PNN: variants seen among roughly 807,000 people sequenced by gnomAD.
PNN encodes the protein pinin.
In PNN, 38 loss-of-function variants were observed where a neutral mutation model predicts 76.6. The ratio of observed to expected loss-of-function variants is 0.50; its 90% CI spans 0.38 to 0.65. The LOEUF (loss-of-function observed/expected upper bound fraction) is 0.65. Ranked by LOEUF, PNN falls within the 30% of genes least tolerant of loss-of-function variation. The pLI, the probability that PNN is intolerant of heterozygous loss-of-function variation, is 0.00. For missense variants in PNN, 873 were observed against 874.1 expected (o/e 1.00, Z 0.02); for synonymous variants, 366 against 283.7 (o/e 1.29, Z -2.91).
At chr14:39,177,758 C>A in intron 5 of PNN, 71 bp downstream of exon 5, 1 of 1,437,996 alleles carries the variant, frequency 7.0e-7, no homozygotes, top group Non-Finnish European at 9.8e-7. Flanking sequence ...ATTGTTCAAG[C>A]ATCCTGTAGT....
chr14:39,179,577 CTTT>C, intron 8 of PNN, 115 bp downstream of exon 8: 2 of 747,150 alleles, frequency 2.7e-6, no homozygotes, highest in Non-Finnish European at 4.0e-6. Flanking sequence ...GCTGTGTTTG[CTTT>C]TTTTTTTTAA....
At chr14:39,175,562 C>T (rs748821475) in intron 1 of PNN, among the ~76,000 whole-genome samples, 170 bp downstream of exon 1, 4 of 152,210 alleles carry the variant, frequency 2.6e-5, no homozygotes, top group African/African-American at 4.8e-5. Flanking sequence ...GGCCCCAGGT[C>T]CCCTCCGTAG....
In PNN at chr14:39,181,771, AAG is replaced by A. The variant is rs1244823244; in HGVS notation, c.2065_2066del (p.Arg689ValfsTer6). 6.2e-7 allele frequency: 1 copy of A among 1,614,138 alleles called. No individual in the cohort carries two copies. Among genetic ancestry groups the A allele is most frequent in the East Asian group, 2.2e-5 (1 of 44,884 alleles). Reference protein sequence around the residue: ...SKDKNSRSDRKRSISESSRSG... With the variant: ...SKDKNSRSDRXRSISESSRSG... ...GGATAAGAATTCCCGGTCCGACAGA[AAG>A]AGGTCTATATCAGAGAGTAGTCGAT... On this transcript the variant is annotated frameshift_variant, in exon 9 of 9. Coordinates refer to ENST00000216832, the MANE Select transcript of PNN (RefSeq NM_002687.4). LOFTEE classifies it high-confidence loss of function.
chr14:39,175,911 A>G, intron 1 of PNN, 167 bp from the exon 2 acceptor site: 1 of 585,184 alleles, frequency 1.7e-6, no homozygotes, highest in Non-Finnish European at 3.0e-6. Context: ...GAGGAAGTTA[A>G]ATGAAATAGT....
chr14:39,178,745 AAT>A (rs1491255155), intron 6 of PNN, among the ~76,000 whole-genome samples: 2 of 141,990 alleles, frequency 1.4e-5, no homozygotes, highest in African/African-American at 2.8e-5. Flanking sequence ...AAAAAAAAAA[AAT>A]TTTTTTTGAG....
Position 39,182,851 on chromosome 14 carries a change from ATTAAC to A in PNN, c.*991_*995del, listed in dbSNP as rs1476090471. The A allele has an allele frequency of 6.5e-6, 1 of 152,696 alleles. No individual in the cohort carries two copies. Among genetic ancestry groups the A allele is most frequent in the Non-Finnish European group, 1.5e-5 (1 of 68,040 alleles). 9.5% of individuals were successfully genotyped at this position (152,696 alleles called of 1,614,324 possible). On this transcript the variant is annotated 3_prime_UTR_variant, in exon 9 of 9. Coordinates refer to ENST00000216832, the MANE Select transcript of PNN (RefSeq NM_002687.4). Reference sequence around the variant, plus strand: ...TAACACACAAGTGTACCAAGTGATTATTAACTTTGTTGTTTTACAAATTTGTATGA... The same window carrying A: ...TAACACACAAGTGTACCAAGTGATTATTTGTTGTTTTACAAATTTGTATGA...
chr14:39,182,911 C>T lies in PNN; in HGVS notation c.*1048C>T, dbSNP rs1396007794. On this transcript the variant is annotated 3_prime_UTR_variant, in exon 9 of 9. Transcript: ENST00000216832. ...GGAGTATCTGTTGGCCATTACTATA[C>T]ATGTGCAAATAAATGTGGCTTAGAC... The T allele has an allele frequency of 6.6e-6, 1 of 152,644 alleles. No homozygotes were observed. Among genetic ancestry groups the T allele is most frequent in the Non-Finnish European group, 1.5e-5 (1 of 68,040 alleles). The allele number at this position is 152,644 out of a possible 1,614,324, so 9.5% of individuals were successfully genotyped here. A position where few individuals can be genotyped will look rare whatever the true frequency, so the allele number is the denominator to read the frequency against.
chr14:39,179,857 A>G (rs145044862), intron 8 of PNN, among the ~76,000 whole-genome samples: 4,530 of 151,566 alleles, frequency 0.03, 233 homozygotes, highest in African/African-American at 0.1. Flanking sequence ...AGCCGAGATT[A>G]CGCCACTGAA....
At chr14:39,175,923 C>G (rs1461360331) in intron 1 of PNN, 155 bp from the exon 2 acceptor site, 3 of 598,962 alleles carry the variant, frequency 5.0e-6, no homozygotes, top group Non-Finnish European at 9.0e-6. Context: ...TGAAATAGTA[C>G]TTCCTGTCCT....
intron 1 of PNN, chr14:39,175,681 A>G (rs1165575056): frequency 1.0e-5 from 5 of 487,340 alleles, no homozygotes; most frequent in Non-Finnish European, 1.8e-5. Flanking sequence ...TCGGCCCTGC[A>G]GGCCCGGAAC....
At chr14:39,177,359 C>A in intron 3 of PNN, 53 bp from the exon 4 acceptor site, 1 of 1,465,122 alleles carries the variant, frequency 6.8e-7, no homozygotes. Flanking sequence ...GCACTTCAGC[C>A]TGGGTGGTAT....
At position 39,180,685 on chromosome 14, in the gene PNN, C is replaced by T; in HGVS notation, c.976C>T (p.His326Tyr). The T allele has an allele frequency of 6.2e-7, 1 of 1,608,632 alleles. No individual in the cohort carries two copies. Among genetic ancestry groups the T allele is most frequent in the Non-Finnish European group, 8.5e-7 (1 of 1,177,130 alleles). Reference sequence around the variant, plus strand: ...AGAGTTGGAGGAGACAGGTAATCAGCACAATGATGTAGAAATAGAGGAAGC... The same window carrying T: ...AGAGTTGGAGGAGACAGGTAATCAGTACAATGATGTAGAAATAGAGGAAGC... ...EEELEETGNQ[H>Y]NDVEIEEAGE... Residue 326 changes from histidine (H) to tyrosine (Y), a missense_variant, in exon 9 of 9, where the codon CAC (histidine) becomes TAC (tyrosine). Transcript: ENST00000216832.
Position 39,180,515 on chromosome 14 carries a change from G to A in PNN, c.806G>A (p.Gly269Asp). The A allele has an allele frequency of 6.3e-7, 1 of 1,584,262 alleles. No homozygotes were observed. The highest frequency in any genetic ancestry group is 8.6e-7 in the Non-Finnish European group (1 of 1,167,680). ...SQRKMNALFEGRRIEFAEQIN... is the reference protein window; with the variant it reads ...SQRKMNALFEDRRIEFAEQIN... ...TTTTATTCTTTAGCTTTATTTGAAG[G>A]TAGACGCATCGAATTTGCAGAACAA... The change falls in exon 9 of 9, where the codon GGT (glycine) becomes GAT (aspartate). Residue 269 changes from glycine to aspartate, a missense_variant. Gly to Asp is a moderately conservative substitution (Grantham distance 94). Transcript: ENST00000216832.
chr14:39,181,797 A>G lies in PNN; in HGVS notation c.2088A>G (p.Arg696=). 1 of 1,613,322 alleles carries G rather than the reference A, an allele frequency of 6.2e-7. No individual in the cohort carries two copies. The highest frequency in any genetic ancestry group is 2.2e-5 in the East Asian group (1 of 44,890). ...AGAGGTCTATATCAGAGAGTAGTCG[A>G]TCAGGCAAAAGATCTTCAAGAAGTG... The part of the protein sequence containing the change: ...DRKRSISESS[R]SGKRSSRSER... Residue 696 remains arginine (R), a synonymous_variant, in exon 9 of 9, where the codon CGA becomes CGG. Transcript: ENST00000216832.
Position 39,181,132 on chromosome 14 carries a change from C to G in PNN, c.1423C>G (p.Gln475Glu), listed in dbSNP as rs1405309884. Reference protein sequence around the residue: ...ESEPQPEPVAQPQPQSQPQLQ... With the variant: ...ESEPQPEPVAEPQPQSQPQLQ... ...TGAGCCCCAACCTGAGCCTGTGGCT[C>G]AACCTCAGCCTCAGTCTCAGCCCCA... The change falls in exon 9 of 9, where the codon CAA (glutamine) becomes GAA (glutamate). Residue 475 changes from glutamine to glutamate, a missense_variant. By Grantham distance (29) the Gln-to-Glu change is conservative. Coordinates refer to ENST00000216832, the MANE Select transcript of PNN (RefSeq NM_002687.4). 22 of 1,608,010 alleles carry G rather than the reference C, an allele frequency of 1.4e-5. No homozygotes were observed. Among genetic ancestry groups the G allele is most frequent in the Admixed American group, 3.3e-5 (2 of 59,912 alleles).
chr14:39,175,664 C>G (rs899988460), intron 1 of PNN: 15 of 500,326 alleles, frequency 3.0e-5, no homozygotes, highest in Non-Finnish European at 4.6e-5. Flanking sequence ...ACTGCTGATT[C>G]CCGCTCTCGG....
chr14:39,181,920 AAG>A lies in PNN; in HGVS notation c.*58_*59del. ...TGCAGCAGAAGATTTCTTGATAAAA[AAG>A]GATTACCTTTCCTTGTAAAGAGGAT... On this transcript the variant is annotated 3_prime_UTR_variant, in exon 9 of 9. Transcript: ENST00000216832. 1 of 1,492,868 alleles carries A rather than the reference AAG, an allele frequency of 6.7e-7. No individual in the cohort carries two copies. Among genetic ancestry groups the A allele is most frequent in the Non-Finnish European group, 8.9e-7 (1 of 1,124,098 alleles). 92.5% of individuals were successfully genotyped at this position (1,492,868 alleles called of 1,614,324 possible). A position where few individuals can be genotyped will look rare whatever the true frequency, so the allele number is the denominator to read the frequency against.
rs900073636 is a variant in PNN, at chr14:39,175,876, T to G, written c.114-202T>G. The G allele has an allele frequency of 5.1e-5, 28 of 554,212 alleles. No individual in the cohort carries two copies. In the African/African-American group the frequency reaches 5.3e-4, roughly 10 times the overall value. The allele number at this position is 554,212 out of a possible 1,614,324, so 34.3% of individuals were successfully genotyped here. On this transcript the variant is annotated intron_variant, in intron 1 of 8. Coordinates refer to ENST00000216832, the MANE Select transcript of PNN (RefSeq NM_002687.4). ...TGGGGGCATCGAGGTGAATATAATT[T>G]CTGTGACACAGGTCCTGGAGAAACG...
chr14:39,176,097 C>G lies in PNN; in HGVS notation c.133C>G (p.Leu45Val). The change falls in exon 2 of 9, where the codon CTG (leucine) becomes GTG (valine). Residue 45 changes from leucine (L) to valine (V), a missense_variant. This residue lies in a region of PNN where 156 missense variants were observed against 161.7 expected (regional missense o/e 0.96). Coordinates refer to ENST00000216832, the MANE Select transcript of PNN (RefSeq NM_002687.4). ...NDVRPIQARL[L>V]ALSGPGGGRG... ...TTACAGGCCCATCCAAGCCAGATTG[C>G]TGGCCCTTTCTGGTCCTGGTGGAGG... 1 of 1,608,012 alleles carries G rather than the reference C, an allele frequency of 6.2e-7. No homozygotes were observed. The highest frequency in any genetic ancestry group is 8.5e-7 in the Non-Finnish European group (1 of 1,174,412).
Sources: gnomAD v4.1 joint callset for allele counts (sites outside exome capture counted in the v4.1 genomes callset) on GRCh38, gnomAD v4.1.1 for gene constraint, gnomAD v4.1.1 regional missense constraint, MANE v1.5 for transcripts, NCBI Gene and HGNC (gene_info 2026-07-23, HGNC 2026-07-21) for gene names.